The following ROR1 variants were observed in gnomAD, a reference collection of about 807,000 sequenced individuals.
ROR1 encodes the protein ROR family WNT receptor 1, also known as inactive tyrosine-protein kinase transmembrane receptor ROR1.
A neutral mutation model predicts 78.8 loss-of-function variants in ROR1; 19 were observed. The observed-to-expected ratio is 0.24, with a 90% CI of 0.17 to 0.35. The LOEUF (loss-of-function observed/expected upper bound fraction) is 0.35. Among genes scored for constraint, ROR1 ranks in the 10% least tolerant of loss-of-function variants. The pLI, the probability that ROR1 is intolerant of heterozygous loss-of-function variation, is 1.00. For missense variants in ROR1, 917 were observed against 1,177.8 expected (o/e 0.78, Z 3.24); for synonymous variants, 386 against 433.6 (o/e 0.89, Z 1.36).
At chr1:63,945,331 A>T (rs1056648764) in intron 1 of ROR1, among the ~76,000 whole-genome samples, 1 of 151,956 alleles carries the variant, frequency 6.6e-6, no homozygotes, top group Non-Finnish European at 1.5e-5. Context: ...ACGGAACAAT[A>T]TTTTCTGTGT....
intron 4 of ROR1, among the ~76,000 whole-genome samples, chr1:64,118,371 G>C (rs548701562): frequency 6.6e-6 from 1 of 152,120 alleles, no homozygotes; most frequent in African/African-American, 2.4e-5. Context: ...GCTCACGCCT[G>C]TAATCCCAGC....
chr1:63,901,863 C>T lies in ROR1; in HGVS notation c.92-107442C>T, dbSNP rs531064882. Reference sequence around the variant, plus strand: ...GCCCTGACCTCAAGAAGCTAGCAAGCTAGTGAGAAAGATAAATAAACAAAG... The same window carrying T: ...GCCCTGACCTCAAGAAGCTAGCAAGTTAGTGAGAAAGATAAATAAACAAAG... On this transcript the variant is annotated intron_variant, in intron 1 of 8. Coordinates refer to ENST00000371079, the MANE Select transcript of ROR1 (RefSeq NM_005012.4). Among the ~76,000 whole-genome samples the T allele has an allele frequency of 1.5e-4, 23 of 151,896 alleles. 1 individual carries two copies. In the East Asian group the frequency reaches 4.1e-3, roughly 27 times the overall value.
At chr1:64,012,685 A>G (rs1022430840) in intron 2 of ROR1, among the ~76,000 whole-genome samples, 1 of 152,204 alleles carries the variant, frequency 6.6e-6, no homozygotes, top group African/African-American at 2.4e-5. Flanking sequence ...GACAAAACAC[A>G]TGGAAAAGCT....
intron 1 of ROR1, among the ~76,000 whole-genome samples, chr1:63,875,995 A>G (rs1431380306): frequency 6.6e-6 from 1 of 152,130 alleles, no homozygotes; most frequent in East Asian, 1.9e-4. Flanking sequence ...GTGGGAGACT[A>G]TATTTTAAAA....
chr1:64,156,629 C>G (rs558592629), intron 7 of ROR1, among the ~76,000 whole-genome samples: 3 of 148,756 alleles, frequency 2.0e-5, no homozygotes, highest in Non-Finnish European at 4.4e-5. Context: ...ATCGCTTGAA[C>G]CCGGGAGGCG....
intron 1 of ROR1, among the ~76,000 whole-genome samples, chr1:63,964,780 A>G (rs1394449481): frequency 6.6e-6 from 1 of 152,140 alleles, no homozygotes; most frequent in Non-Finnish European, 1.5e-5. Flanking sequence ...TTAAGTTGTG[A>G]TTCTTGGTTT....
At chr1:63,947,126 T>A (rs11208323) in intron 1 of ROR1, among the ~76,000 whole-genome samples, 50,302 of 152,068 alleles carry the variant, frequency 0.33, 12,354 homozygotes, top group African/African-American at 0.7. Flanking sequence ...CCACGGTGAT[T>A]GGCGTCCTGA....
chr1:64,056,007 G>A (rs1044777806), intron 4 of ROR1, among the ~76,000 whole-genome samples: 8 of 152,148 alleles, frequency 5.3e-5, no homozygotes, highest in South Asian at 2.1e-4. Flanking sequence ...AGCATGCATC[G>A]GTGCTTCATC....
At chr1:64,046,763 C>T (rs1292569175) in intron 2 of ROR1, among the ~76,000 whole-genome samples, 2 of 152,130 alleles carry the variant, frequency 1.3e-5, no homozygotes, top group African/African-American at 4.8e-5. Flanking sequence ...CTCATGGTAC[C>T]AAAGCAGACT....
intron 1 of ROR1, among the ~76,000 whole-genome samples, chr1:63,999,815 A>G (rs906941216): frequency 1.3e-5 from 2 of 152,210 alleles, no homozygotes; most frequent in Non-Finnish European, 2.9e-5. Context: ...GTCTGCTAAT[A>G]TACTATGGCT....
intron 4 of ROR1, among the ~76,000 whole-genome samples, chr1:64,059,638 G>A (rs1646901267): frequency 1.3e-5 from 2 of 150,184 alleles, no homozygotes; most frequent in Admixed American, 1.3e-4. Flanking sequence ...GAACCTGGGA[G>A]CCAGAGGTTG....
At chr1:64,168,913 C>G (rs962661431) in intron 8 of ROR1, among the ~76,000 whole-genome samples, 1 of 152,208 alleles carries the variant, frequency 6.6e-6, no homozygotes, top group Non-Finnish European at 1.5e-5. Context: ...AAAGTGAGGC[C>G]TCTAGGCCAG....
intron 2 of ROR1, among the ~76,000 whole-genome samples, chr1:64,028,275 A>G (rs1646630475): frequency 6.6e-6 from 1 of 152,234 alleles, no homozygotes; most frequent in African/African-American, 2.4e-5. Context: ...TAAATAAGTA[A>G]TATGCATCTG....
At chr1:64,003,392 C>T (rs1646402802) in intron 1 of ROR1, among the ~76,000 whole-genome samples, 1 of 152,084 alleles carries the variant, frequency 6.6e-6, no homozygotes, top group African/African-American at 2.4e-5. Context: ...GGTAATTGAG[C>T]AGGGGTTTAA....
intron 1 of ROR1, among the ~76,000 whole-genome samples, chr1:63,802,904 CAAAT>C (rs1390484103): frequency 3.3e-5 from 5 of 152,158 alleles, no homozygotes; most frequent in African/African-American, 4.8e-5. Context: ...AAAAAAGAAA[CAAAT>C]AAAATTAATT....
At chr1:64,119,983 A>T (rs2100686073) in intron 4 of ROR1, among the ~76,000 whole-genome samples, 1 of 152,336 alleles carries the variant, frequency 6.6e-6, no homozygotes, top group East Asian at 1.9e-4. Context: ...AGAAAAGGTG[A>T]ACTTTCAATG....
intron 1 of ROR1, among the ~76,000 whole-genome samples, chr1:63,852,311 C>T (rs1358594309): frequency 1.3e-5 from 2 of 152,182 alleles, no homozygotes; most frequent in Non-Finnish European, 2.9e-5. Flanking sequence ...GCAAACTCTT[C>T]CTTTTGTAGA....
intron 1 of ROR1, among the ~76,000 whole-genome samples, chr1:63,920,932 C>A (rs183858099): frequency 7.2e-5 from 11 of 152,282 alleles, no homozygotes; most frequent in Admixed American, 7.2e-4. Flanking sequence ...GGCATTTACT[C>A]TGTGGGAGAC....
intron 1 of ROR1, among the ~76,000 whole-genome samples, chr1:63,926,895 T>A: frequency 1.2e-5 from 1 of 81,724 alleles, no homozygotes; most frequent in African/African-American, 3.4e-5. Flanking sequence ...CTTATCAGCT[T>A]AAGGAGATTT....
Sources: allele counts gnomAD v4.1 joint callset (sites outside exome capture counted in the v4.1 genomes callset), GRCh38; gene constraint gnomAD v4.1.1; transcripts MANE v1.5; gene names NCBI Gene and HGNC (gene_info 2026-07-23, HGNC 2026-07-21).